AP1S2: variants seen among roughly 807,000 people sequenced by gnomAD.
The protein encoded by AP1S2 is AP-1 complex subunit sigma-2.
AP1S2 carries 1 observed loss-of-function variant against 14.3 expected under a neutral mutation model. The ratio of observed to expected loss-of-function variants is 0.07; its 90% confidence interval spans 0.02 to 0.33. AP1S2 has a LOEUF of 0.33. AP1S2 is among the 10% of genes least tolerant of loss of function. The probability of loss-of-function intolerance (pLI) is 0.99; values close to 1 mark genes in which losing one functional copy is unlikely to be tolerated. For synonymous variants in AP1S2, 30 were observed against 40.5 expected, an observed-to-expected ratio of 0.74 and a Z score of 0.99; for missense variants, 30 against 117.7, an observed-to-expected ratio of 0.25 and a Z score of 3.45.
At chrX:15,837,193 C>G (rs1933668446) in intron 4 of AP1S2, among the ~76,000 whole-genome samples, 1 of 112,035 alleles carries the variant, frequency 8.9e-6, no homozygotes, top group African/African-American at 3.3e-5. Context: ...CACAGAATTT[C>G]AAATACTCAA....
chrX:15,829,956 T>C (rs1455198769), intron 4 of AP1S2: 2 of 265,918 alleles, frequency 7.5e-6, no homozygotes, highest in Non-Finnish European at 1.0e-5. Flanking sequence ...TTCTGTGTTA[T>C]GTGTTTTTAA....
rs148367711 is a variant in AP1S2 at position 15,836,114 on chromosome X, G to T, written c.427-7914C>A. On this transcript the variant is annotated intron_variant, in intron 4 of 5. Transcript: ENST00000672987. ...TTTTCTTAACCTATTTCTCATTGAT[G>T]AATATTTGGGTAAGCTTCAATGGCT... 3.3e-3 allele frequency among the ~76,000 whole-genome samples: 367 copies of T among 111,525 alleles called. 5 individuals carry two copies. The highest frequency in any genetic ancestry group is 0.011 in the African/African-American group (351 of 30,729).
chrX:15,833,017 G>T (rs1417898312), intron 4 of AP1S2: 2 of 1,105,806 alleles, frequency 1.8e-6, no homozygotes, highest in African/African-American at 3.8e-5. Context: ...TCTGGAGAGA[G>T]AACAAGAAAA....
Position 15,828,986 on chromosome X carries a change from C to CT in AP1S2, c.427-787dup, listed in dbSNP as rs1283270679. On this transcript the variant is annotated intron_variant, in intron 4 of 5. Transcript: ENST00000672987. ...CCTGTTAATTTTGTGGGGCATGGTA[C>CT]TTTATCTGTTAGGGACACATACTGA... Among the ~76,000 whole-genome samples, 8 of 111,325 alleles carry CT rather than the reference C, an allele frequency of 7.2e-5. No individual in the cohort carries two copies. In the East Asian group the frequency reaches 2.2e-3, roughly 31 times the overall value.
At chrX:15,846,032 GAAA>G in intron 2 of AP1S2, 21 bp from the exon 3 acceptor site, 1 of 1,019,979 alleles carries the variant, frequency 9.8e-7, no homozygotes, top group Non-Finnish European at 1.4e-6. Flanking sequence ...GTACAAATGT[GAAA>G]AAAACTGTTA....
intron 4 of AP1S2, among the ~76,000 whole-genome samples, chrX:15,829,907 CAACTG>C (rs1202950026): frequency 4.5e-5 from 5 of 111,611 alleles, no homozygotes; most frequent in Middle Eastern, 4.6e-3. Context: ...TTAACTAACA[CAACTG>C]AACTGTACAC....
At chrX:15,848,471 C>A (rs1273217959) in intron 2 of AP1S2, among the ~76,000 whole-genome samples, 1 of 111,414 alleles carries the variant, frequency 9.0e-6, no homozygotes, top group Admixed American at 9.5e-5. Context: ...TAACGTAATC[C>A]CATACCTGGC....
At position 15,844,206 on chromosome X, in the gene AP1S2, C is replaced by T. The variant is rs1447168960; in HGVS notation, c.426+1173G>A. Among the ~76,000 whole-genome samples, 8 of 112,409 alleles carry T rather than the reference C, an allele frequency of 7.1e-5. No individual in the cohort carries two copies. In the East Asian group the frequency reaches 2.2e-3, roughly 31 times the overall value. ...GAGATTCTCAAACAGCTTTCCCTTC[C>T]TCACAGAGTCCAAGAGTTAAGAAGT... On this transcript the variant is annotated intron_variant, in intron 4 of 5. Transcript: ENST00000672987.
At chrX:15,835,446 A>G (rs868525984) in intron 4 of AP1S2, among the ~76,000 whole-genome samples, 5 of 112,004 alleles carry the variant, frequency 4.5e-5, no homozygotes, top group Middle Eastern at 9.2e-3. Context: ...AGAAGGCCAG[A>G]GACTATCTTA....
chrX:15,828,769 TA>T (rs11399830), intron 4 of AP1S2, among the ~76,000 whole-genome samples: 48 of 101,110 alleles, frequency 4.7e-4, no homozygotes, highest in South Asian at 1.3e-3. Context: ...GACCTCGTTT[TA>T]AAAAAAAAAA....
chrX:15,830,063 T>C (rs1569077867), intron 4 of AP1S2: 6 of 740,059 alleles, frequency 8.1e-6, no homozygotes, highest in Non-Finnish European at 9.6e-6. Context: ...ACGAAGTACA[T>C]GCAATACTTT....
chrX:15,830,264 AAAG>A (rs1262884199), intron 4 of AP1S2: 1 of 745,924 alleles, frequency 1.3e-6, no homozygotes, highest in Non-Finnish European at 1.6e-6. Flanking sequence ...CAGGAGGAGG[AAAG>A]GAGGGGAAAA....
At chrX:15,853,822 A>G (rs1934246410) in intron 1 of AP1S2, among the ~76,000 whole-genome samples, 1 of 111,803 alleles carries the variant, frequency 8.9e-6, no homozygotes, top group African/African-American at 3.3e-5. Context: ...GTGATACCAA[A>G]GTGCCTCCCG....
intron 4 of AP1S2, among the ~76,000 whole-genome samples, chrX:15,839,899 CA>C (rs1244294414): frequency 1.8e-5 from 2 of 111,729 alleles, no homozygotes; most frequent in Non-Finnish European, 3.8e-5. Context: ...TTTTAAGTTA[CA>C]AAAGCTTCAT....
At chrX:15,841,070 A>T (rs1184230016) in intron 4 of AP1S2, among the ~76,000 whole-genome samples, 1 of 112,343 alleles carries the variant, frequency 8.9e-6, no homozygotes, top group Non-Finnish European at 1.9e-5. Context: ...TATTTTAGCA[A>T]CTATTATTTG....
chrX:15,850,418 C>T (rs928656333), intron 2 of AP1S2, among the ~76,000 whole-genome samples: 3 of 110,671 alleles, frequency 2.7e-5, no homozygotes, highest in African/African-American at 9.9e-5. Context: ...GTGGCCCAAT[C>T]AGGGCTCAGT....
At position 15,827,286 on chromosome X, in the gene AP1S2, T is replaced by C. The variant is rs778700579; in HGVS notation, c.*39A>G. On this transcript the variant is annotated 3_prime_UTR_variant, in exon 6 of 6. Transcript: ENST00000672987. ...ATGAAGGGAGTGACCATCTACAGTG[T>C]GTGAAATGCCACAAGAAGTCATCAA... 4.3e-5 allele frequency: 48 copies of C among 1,127,906 alleles called. No individual in the cohort carries two copies. The highest frequency in any genetic ancestry group is 1.8e-4 in the Admixed American group (8 of 45,590). The allele number at this position is 1,127,906 out of a possible 1,213,427, so 93.0% of individuals were successfully genotyped here.
At chrX:15,833,372 A>G in intron 4 of AP1S2, 14 of 850,697 alleles carry the variant, frequency 1.6e-5, no homozygotes, top group Non-Finnish European at 2.0e-5. Flanking sequence ...TAGGAAAGAA[A>G]AGGGTTGATG....
chrX:15,831,227 T>A, intron 4 of AP1S2: 2 of 729,563 alleles, frequency 2.7e-6, no homozygotes, highest in Non-Finnish European at 3.2e-6. Flanking sequence ...GATGGTTCAT[T>A]AATAATATGT....
Sources: gnomAD v4.1 joint callset for allele counts (sites outside exome capture counted in the v4.1 genomes callset) on GRCh38, gnomAD v4.1.1 for gene constraint, MANE v1.5 for transcripts, NCBI Gene and HGNC (gene_info 2026-07-23, HGNC 2026-07-21) for gene names.